Variants in VTCN1 observed in about 807,000 individuals in gnomAD.
The protein encoded by VTCN1 is V-set domain-containing T-cell activation inhibitor 1.
VTCN1 carries 26 observed loss-of-function variants against 26.5 expected under a neutral mutation model. That is an observed-to-expected ratio of 0.98 (90% CI 0.72 to 1.36). The LOEUF (loss-of-function observed/expected upper bound fraction) is 1.36. VTCN1 is among the 40% of genes most tolerant of loss of function. The probability of loss-of-function intolerance (pLI) is 0.00; values close to 1 mark genes in which losing one functional copy is unlikely to be tolerated. For missense variants in VTCN1, 298 were observed against 337.7 expected (o/e 0.88, Z 0.92); for synonymous variants, 116 against 130.7 (o/e 0.89, Z 0.77).
chr1:117,163,797 T>TA (rs1359127506), intron 2 of VTCN1, among the ~76,000 whole-genome samples: 1 of 152,170 alleles, frequency 6.6e-6, no homozygotes, highest in Non-Finnish European at 1.5e-5. Flanking sequence ...CTACTTCACT[T>TA]AAAAATCAAA....
At chr1:117,160,290 C>A in intron 2 of VTCN1, among the ~76,000 whole-genome samples, 1 of 152,148 alleles carries the variant, frequency 6.6e-6, no homozygotes, top group Non-Finnish European at 1.5e-5. Flanking sequence ...ATTAAAGTGG[C>A]CTGCACAAGT....
rs1652789242 is a variant in VTCN1 at position 117,169,588 on chromosome 1, C to T, written c.97+519G>A. 6.6e-6 allele frequency among the ~76,000 whole-genome samples: 1 copy of T among 152,152 alleles called. No homozygotes were observed. Among genetic ancestry groups the T allele is most frequent in the Admixed American group, 6.5e-5 (1 of 15,270 alleles). On this transcript the variant is annotated intron_variant, in intron 2 of 5. Coordinates refer to ENST00000369458, the MANE Select transcript of VTCN1 (RefSeq NM_024626.4). The surrounding 1 kb of genome is among the most constrained non-coding windows in gnomAD (Gnocchi z 4.0). ...TAACTGGTGATGTTGACAGTATCTC[C>T]CCACTCAAAAATGAGGAAACTAGCC...
chr1:117,195,439 C>G (rs1648460729), intron 1 of VTCN1, among the ~76,000 whole-genome samples: 1 of 151,944 alleles, frequency 6.6e-6, no homozygotes, highest in African/African-American at 2.4e-5. Context: ...ATATGTACAT[C>G]AAATCATCAC....
chr1:117,185,984 A>G (rs1430264650), intron 1 of VTCN1, among the ~76,000 whole-genome samples: 1 of 152,240 alleles, frequency 6.6e-6, no homozygotes, highest in Non-Finnish European at 1.5e-5. Flanking sequence ...AGGCTGTGTC[A>G]TGGGCACATC....
intron 3 of VTCN1, among the ~76,000 whole-genome samples, chr1:117,154,967 T>C (rs934838509): frequency 2.8e-4 from 43 of 152,310 alleles, no homozygotes; most frequent in African/African-American, 1.0e-3. Context: ...ATCATGTTGC[T>C]TGAGTTTCTT....
intron 2 of VTCN1, among the ~76,000 whole-genome samples, chr1:117,165,432 G>A (rs1652560146): frequency 6.6e-6 from 1 of 152,200 alleles, no homozygotes; most frequent in African/African-American, 2.4e-5. Flanking sequence ...TGGAGGAGGT[G>A]CCTGGTGGGA....
Position 117,183,183 on chromosome 1 carries a change from A to T in VTCN1, c.33-13012T>A, listed in dbSNP as rs557033009. 2.1e-4 allele frequency among the ~76,000 whole-genome samples: 32 copies of T among 152,210 alleles called. No individual in the cohort carries two copies. The highest frequency in any genetic ancestry group is 7.5e-4 in the African/African-American group (31 of 41,546). On this transcript the variant is annotated intron_variant, in intron 1 of 5. Coordinates refer to ENST00000369458, the MANE Select transcript of VTCN1 (RefSeq NM_024626.4). This position sits in a 1 kb window ranked among gnomAD's most constrained non-coding sequence, Gnocchi z 4.1. ...TCACCTCCACACTCCATCCATTCTA[A>T]ACCACTCTGGGTCCCTGACTACGCC... is the stretch of plus-strand genomic sequence containing the variant.
chr1:117,153,635 G>A (rs958843020), intron 3 of VTCN1, among the ~76,000 whole-genome samples: 1 of 151,964 alleles, frequency 6.6e-6, no homozygotes, highest in Non-Finnish European at 1.5e-5. Context: ...GTATATTATG[G>A]TTACAATAGA....
At chr1:117,163,932 G>A (rs1164096751) in intron 2 of VTCN1, among the ~76,000 whole-genome samples, 2 of 152,096 alleles carry the variant, frequency 1.3e-5, no homozygotes, top group African/African-American at 2.4e-5. Flanking sequence ...TTCCATTTTG[G>A]TGTTATCAGC....
At chr1:117,205,553 C>A (rs1649016483) in intron 1 of VTCN1, among the ~76,000 whole-genome samples, 1 of 152,164 alleles carries the variant, frequency 6.6e-6, no homozygotes, top group African/African-American at 2.4e-5. Context: ...ACCAACAATC[C>A]ACAGGCTGCA....
chr1:117,189,681 G>A (rs979224778), intron 1 of VTCN1, among the ~76,000 whole-genome samples: 1 of 152,228 alleles, frequency 6.6e-6, no homozygotes, highest in Non-Finnish European at 1.5e-5. Context: ...ATTAGTTATC[G>A]ATAGCTAGGT....
intron 2 of VTCN1, among the ~76,000 whole-genome samples, chr1:117,162,075 A>C (rs914578867): frequency 2.6e-5 from 4 of 152,108 alleles, no homozygotes; most frequent in Non-Finnish European, 4.4e-5. Flanking sequence ...TGCCCTAGGG[A>C]CCTGCTGCAG....
At chr1:117,154,353 T>TAA (rs201649755) in intron 3 of VTCN1, among the ~76,000 whole-genome samples, 1 of 151,250 alleles carries the variant, frequency 6.6e-6, no homozygotes, top group Non-Finnish European at 1.5e-5. Context: ...TCATCCCCAT[T>TAA]AAAAAAAAAT....
intron 2 of VTCN1, among the ~76,000 whole-genome samples, chr1:117,162,227 T>C (rs1652403589): frequency 6.6e-6 from 1 of 152,210 alleles, no homozygotes; most frequent in Non-Finnish European, 1.5e-5. Flanking sequence ...GACCTAGCCA[T>C]TGCTTTGCAC....
intron 3 of VTCN1, among the ~76,000 whole-genome samples, chr1:117,154,839 G>A (rs971854518): frequency 1.2e-4 from 18 of 149,392 alleles, no homozygotes; most frequent in African/African-American, 1.5e-4. Flanking sequence ...CGGAGAAACC[G>A]CCAATGGTAT....
rs1647780247 is a variant in VTCN1, at chr1:117,183,596, T to C, written c.33-13425A>G. Among the ~76,000 whole-genome samples the C allele has an allele frequency of 1.3e-5, 2 of 152,350 alleles. No homozygotes were observed. The highest frequency in any genetic ancestry group is 2.4e-5 in the African/African-American group (1 of 41,586). On this transcript the variant is annotated intron_variant, in intron 1 of 5. Transcript: ENST00000369458. The surrounding 1 kb of genome is among the most constrained non-coding windows in gnomAD (Gnocchi z 4.1). ...AAGAAGGGGACCTAGAGATTCATAA[T>C]AGCTGTGCTTGAATACTTGTTAAAC...
intron 2 of VTCN1, among the ~76,000 whole-genome samples, chr1:117,163,200 T>A (rs897696630): frequency 6.6e-6 from 1 of 152,186 alleles, no homozygotes; most frequent in African/African-American, 2.4e-5. Flanking sequence ...GGGAACAATG[T>A]AGGAAAGCAG....
chr1:117,194,117 T>C (rs942946813), intron 1 of VTCN1, among the ~76,000 whole-genome samples: 6 of 152,118 alleles, frequency 3.9e-5, no homozygotes, highest in African/African-American at 1.4e-4. Context: ...GCAAACCATA[T>C]ATCTGATAAG....
chr1:117,155,494 C>T lies in VTCN1; in HGVS notation c.445+1080G>A, dbSNP rs1356860204. Among the ~76,000 whole-genome samples, 1 of 152,042 alleles carries T rather than the reference C, an allele frequency of 6.6e-6. No homozygotes were observed. The highest frequency in any genetic ancestry group is 1.5e-5 in the Non-Finnish European group (1 of 68,004). ...GAAGTCATATGTATTTATTCTATAC[C>T]TTTGAGTTATAATTCAATACTATGT... On this transcript the variant is annotated intron_variant, in intron 3 of 5. Coordinates refer to ENST00000369458, the MANE Select transcript of VTCN1 (RefSeq NM_024626.4). This position sits in a 1 kb window ranked among gnomAD's most constrained non-coding sequence, Gnocchi z 4.8.
Sources: gnomAD v4.1 joint callset for allele counts (sites outside exome capture counted in the v4.1 genomes callset) on GRCh38, gnomAD v4.1.1 for gene constraint, Gnocchi (gnomAD v3.1) non-coding constraint, MANE v1.5 for transcripts, NCBI Gene and HGNC (gene_info 2026-07-23, HGNC 2026-07-21) for gene names.